Variants in PALD1 observed in about 807,000 individuals in gnomAD.
PALD1 encodes paladin.
Under a neutral mutation model 96.0 loss-of-function variants are expected in PALD1, and 57 were observed. The ratio of observed to expected loss-of-function variants is 0.59; its 90% CI spans 0.48 to 0.74. The LOEUF is 0.74. PALD1 is among the 30% of genes least tolerant of loss of function. The pLI, the probability that PALD1 is intolerant of heterozygous loss-of-function variation, is 0.00. For missense variants in PALD1, 1,063 were observed against 1,143.7 expected (o/e 0.93, Z 1.02); for synonymous variants, 464 against 473.6 (o/e 0.98, Z 0.26).
At chr10:70,510,532 G>A (rs1186520382) in intron 1 of PALD1, among the ~76,000 whole-genome samples, 1 of 152,194 alleles carries the variant, frequency 6.6e-6, no homozygotes, top group African/African-American at 2.4e-5. Context: ...GAGATAGACA[G>A]GAGCCAGCCT....
At chr10:70,556,905 G>A (rs1298315043) in intron 18 of PALD1, among the ~76,000 whole-genome samples, 1 of 152,158 alleles carries the variant, frequency 6.6e-6, no homozygotes, top group Non-Finnish European at 1.5e-5. Context: ...TCTGCTGCAA[G>A]ATCCACCTCT....
At chr10:70,565,752 G>A (rs1847834786) in intron 19 of PALD1, among the ~76,000 whole-genome samples, 1 of 152,142 alleles carries the variant, frequency 6.6e-6, no homozygotes, top group African/African-American at 2.4e-5. Context: ...GAGCAGGCCT[G>A]GGCTCAGCTT....
chr10:70,530,159 C>T, intron 4 of PALD1, 91 bp downstream of exon 4: 1 of 1,077,272 alleles, frequency 9.3e-7, no homozygotes. Flanking sequence ...GCTGGAGGGG[C>T]CTGCTGCATG....
intron 1 of PALD1, among the ~76,000 whole-genome samples, chr10:70,503,658 A>G (rs141375154): frequency 2.6e-5 from 4 of 152,340 alleles, no homozygotes; most frequent in Non-Finnish European, 4.4e-5. Flanking sequence ...AGAATGACAA[A>G]TAATAAAAAT....
At chr10:70,508,469 A>G (rs952929755) in intron 1 of PALD1, among the ~76,000 whole-genome samples, 1 of 152,128 alleles carries the variant, frequency 6.6e-6, no homozygotes. Flanking sequence ...CTGGACTGCC[A>G]CATGCTGCGC....
intron 18 of PALD1, among the ~76,000 whole-genome samples, chr10:70,560,246 G>C (rs990999057): frequency 6.6e-6 from 1 of 152,234 alleles, no homozygotes; most frequent in Non-Finnish European, 1.5e-5. Context: ...ACCCGACCAG[G>C]CAGGAGGAAC....
the PALD1 span, among the ~76,000 whole-genome samples, chr10:70,470,073 C>T: frequency 6.6e-6 from 1 of 152,218 alleles, no homozygotes; most frequent in African/African-American, 2.4e-5. Context: ...GGATTGCAGG[C>T]ATGAACCATT....
At chr10:70,464,108 C>T in the PALD1 span, among the ~76,000 whole-genome samples, 20 of 152,132 alleles carry the variant, frequency 1.3e-4, no homozygotes, top group Non-Finnish European at 2.8e-4. Context: ...CCCTCACCCA[C>T]GGGCTGCTCT....
chr10:70,558,413 CAT>C (rs1847659572), intron 18 of PALD1, among the ~76,000 whole-genome samples: 1 of 152,196 alleles, frequency 6.6e-6, no homozygotes, highest in African/African-American at 2.4e-5. Flanking sequence ...GCAAGGTGCA[CAT>C]GTTTGTCATT....
At chr10:70,511,328 C>T (rs538248059) in intron 1 of PALD1, among the ~76,000 whole-genome samples, 1 of 152,290 alleles carries the variant, frequency 6.6e-6, no homozygotes, top group African/African-American at 2.4e-5. Flanking sequence ...CCTTGGGGAA[C>T]TTGATGTCCA....
intron 1 of PALD1, among the ~76,000 whole-genome samples, chr10:70,517,448 C>T (rs957818360): frequency 2.0e-5 from 3 of 151,124 alleles, no homozygotes; most frequent in African/African-American, 4.9e-5. Context: ...TTCAAGCGAT[C>T]CTCCTGCCTC....
chr10:70,484,450 A>C (rs1262932211), intron 1 of PALD1, among the ~76,000 whole-genome samples: 1 of 152,260 alleles, frequency 6.6e-6, no homozygotes, highest in African/African-American at 2.4e-5. Flanking sequence ...AACCAAAATT[A>C]AGATAGCAAA....
chr10:70,486,898 T>C (rs1401925759), intron 1 of PALD1, among the ~76,000 whole-genome samples: 1 of 152,108 alleles, frequency 6.6e-6, no homozygotes, highest in Non-Finnish European at 1.5e-5. Context: ...CACAAGGACT[T>C]CTGGAGTCTC....
Position 70,529,966 on chromosome 10 carries a change from C to G in PALD1, c.366C>G (p.Asn122Lys). Residue 122 changes from asparagine (N) to lysine (K), a missense_variant, in exon 4 of 20, where the codon AAC becomes AAG. Physicochemically the swap from Asn to Lys is moderately conservative, Grantham distance 94. Transcript: ENST00000263563. ...CCGTGGGAAGCTGTGGGGCCCCCAA[C>G]TTCCGGCAGGTGCAGGGTGGGCTCA... ...LGTVGSCGAP[N>K]FRQVQGGLTV... 2 of 1,613,072 alleles carry G rather than the reference C, an allele frequency of 1.2e-6. No homozygotes were observed. The highest frequency in any genetic ancestry group is 1.7e-6 in the Non-Finnish European group (2 of 1,179,532).
At chr10:70,517,274 A>G (rs751312115) in intron 1 of PALD1, among the ~76,000 whole-genome samples, 4 of 151,606 alleles carry the variant, frequency 2.6e-5, no homozygotes, top group Non-Finnish European at 5.9e-5. Flanking sequence ...GGATGGGGAC[A>G]CCTCTTGTTT....
At chr10:70,545,589 A>AT (rs916019448) in intron 17 of PALD1, among the ~76,000 whole-genome samples, 3 of 151,514 alleles carry the variant, frequency 2.0e-5, no homozygotes, top group East Asian at 3.9e-4. Flanking sequence ...AGATTATATC[A>AT]TTTTTTTTCT....
At chr10:70,497,854 C>T (rs560729279) in intron 1 of PALD1, among the ~76,000 whole-genome samples, 11 of 152,216 alleles carry the variant, frequency 7.2e-5, no homozygotes, top group South Asian at 4.2e-4. Context: ...GGATTATAGG[C>T]GGGAGCCATG....
intron 1 of PALD1, among the ~76,000 whole-genome samples, chr10:70,500,730 G>C (rs1846277376): frequency 6.6e-6 from 1 of 152,162 alleles, no homozygotes; most frequent in Non-Finnish European, 1.5e-5. Flanking sequence ...CCTCATCTGT[G>C]GATTGGGGAT....
intron 1 of PALD1, among the ~76,000 whole-genome samples, chr10:70,518,323 C>G (rs1392493543): frequency 6.6e-6 from 1 of 152,210 alleles, no homozygotes; most frequent in Admixed American, 6.5e-5. Flanking sequence ...AAGTCTTTTT[C>G]TGCACGTATT....
Sources: gnomAD v4.1 joint callset for allele counts (sites outside exome capture counted in the v4.1 genomes callset) on GRCh38, gnomAD v4.1.1 for gene constraint, MANE v1.5 for transcripts, NCBI Gene and HGNC (gene_info 2026-07-23, HGNC 2026-07-21) for gene names.